The following BRD10 variants were observed in gnomAD, a reference collection of about 807,000 sequenced individuals.
BRD10 encodes bromodomain containing 10, also known as uncharacterized bromodomain-containing protein 10.
the BRD10 span, among the ~76,000 whole-genome samples, chr9:5,993,427 T>C: frequency 8.0e-4 from 119 of 148,746 alleles, no homozygotes; most frequent in Non-Finnish European, 1.0e-3. Context: ...TGGAAAGAAA[T>C]AGATAATATG....
At chr9:5,921,924 G>C in the BRD10 span, 19 of 1,613,856 alleles carry the variant, frequency 1.2e-5, no homozygotes, top group Admixed American at 3.2e-4. Context: ...AAGCTAGCTG[G>C]AATGGAAACA....
At chr9:5,910,498 G>A in the BRD10 span, 1 of 152,166 alleles carries the variant, frequency 6.6e-6, no homozygotes, top group African/African-American at 2.4e-5. Context: ...AACTTCATCA[G>A]GCATTTGGGT....
chr9:5,984,424 A>T, the BRD10 span, among the ~76,000 whole-genome samples: 1 of 152,346 alleles, frequency 6.6e-6, no homozygotes, highest in Middle Eastern at 3.4e-3. Context: ...AATCCTACAG[A>T]AACTACTTTG....
chr9:5,919,909 T>C, the BRD10 span: 5 of 1,613,900 alleles, frequency 3.1e-6, no homozygotes, highest in Non-Finnish European at 4.2e-6. Context: ...TACTTGGCAG[T>C]GGAGGATTAC....
chr9:5,913,708 T>C, the BRD10 span: 17 of 164,076 alleles, frequency 1.0e-4, no homozygotes, highest in Non-Finnish European at 2.1e-4. Context: ...AATCAGAAAA[T>C]TGAGAACTTC....
chr9:5,907,819 G>A, the BRD10 span, among the ~76,000 whole-genome samples: 12 of 152,270 alleles, frequency 7.9e-5, no homozygotes, highest in African/African-American at 2.9e-4. Flanking sequence ...CAAGCGTGGT[G>A]GTGCATGCCT....
chr9:5,921,769 T>C, the BRD10 span: 1 of 1,614,006 alleles, frequency 6.2e-7, no homozygotes. Flanking sequence ...TACTTGTTGT[T>C]GATGGTAGTA....
chr9:5,978,392 TAAAAAAA>T, the BRD10 span, among the ~76,000 whole-genome samples: 2 of 84,514 alleles, frequency 2.4e-5, no homozygotes, highest in African/African-American at 4.2e-5. Flanking sequence ...TGCAATTTAG[TAAAAAAA>T]AAAAAAAAAA....
At chr9:5,986,876 C>T in the BRD10 span, among the ~76,000 whole-genome samples, 8 of 152,180 alleles carry the variant, frequency 5.3e-5, no homozygotes, top group East Asian at 1.3e-3. Flanking sequence ...TCATATTAAA[C>T]AATTTATTCA....
chr9:5,928,132 G>C, the BRD10 span, among the ~76,000 whole-genome samples: 1 of 152,040 alleles, frequency 6.6e-6, no homozygotes, highest in African/African-American at 2.4e-5. Flanking sequence ...CAAAAATAGT[G>C]GGTATCATCT....
the BRD10 span, among the ~76,000 whole-genome samples, chr9:5,999,778 T>C: frequency 6.6e-6 from 1 of 152,194 alleles, no homozygotes; most frequent in African/African-American, 2.4e-5. Flanking sequence ...CAATTTAGTT[T>C]ATCCACTTGT....
At chr9:5,972,221 C>G in the BRD10 span, among the ~76,000 whole-genome samples, 1 of 151,594 alleles carries the variant, frequency 6.6e-6, no homozygotes, top group African/African-American at 2.4e-5. Context: ...GAATCTGGCC[C>G]CAAGATAATA....
chr9:5,888,386 T>C, the BRD10 span, among the ~76,000 whole-genome samples: 1 of 152,238 alleles, frequency 6.6e-6, no homozygotes, highest in Admixed American at 6.5e-5. Context: ...GTGGTTATGT[T>C]ATACATCATT....
At chr9:5,994,902 T>TTTTTTTTTTC in the BRD10 span, among the ~76,000 whole-genome samples, 1 of 139,794 alleles carries the variant, frequency 7.2e-6, no homozygotes, top group African/African-American at 2.7e-5. Flanking sequence ...ATCATTTTTC[T>TTTTTTTTTTC]TTTTTTTTTT....
the BRD10 span, among the ~76,000 whole-genome samples, chr9:5,928,767 C>A: frequency 6.6e-6 from 1 of 152,180 alleles, no homozygotes; most frequent in Non-Finnish European, 1.5e-5. Flanking sequence ...TTCTTAACCC[C>A]CTTACCTTGC....
chr9:5,977,249 T>C, the BRD10 span, among the ~76,000 whole-genome samples: 1 of 152,212 alleles, frequency 6.6e-6, no homozygotes, highest in Non-Finnish European at 1.5e-5. Context: ...GGGCTGCTAC[T>C]CACACTGCTG....
the BRD10 span, among the ~76,000 whole-genome samples, chr9:5,879,267 A>G: frequency 0.18 from 26,676 of 152,148 alleles, 2,403 homozygotes; most frequent in Middle Eastern, 0.2. Context: ...GTTCGAGACC[A>G]GCCTGGCCAA....
the BRD10 span, among the ~76,000 whole-genome samples, chr9:5,905,594 C>T: frequency 9.0e-3 from 1,370 of 152,320 alleles, 20 homozygotes; most frequent in African/African-American, 0.031. Context: ...GACTCCCTTA[C>T]CTTAAGCATT....
the BRD10 span, among the ~76,000 whole-genome samples, chr9:5,945,860 G>T: frequency 6.6e-6 from 1 of 151,604 alleles, no homozygotes; most frequent in Non-Finnish European, 1.5e-5. Flanking sequence ...AAAAATCTCA[G>T]ATTAATGAAA....
Sources: gnomAD v4.1 joint callset for allele counts (sites outside exome capture counted in the v4.1 genomes callset) on GRCh38, gnomAD v4.1.1 for gene constraint, MANE v1.5 for transcripts, NCBI Gene and HGNC (gene_info 2026-07-23, HGNC 2026-07-21) for gene names.